Variants in ATG10 observed in about 807,000 individuals in gnomAD.
ATG10 encodes autophagy related 10, also known as ubiquitin-like-conjugating enzyme ATG10.
ATG10 carries 30 observed loss-of-function variants against 32.1 expected under a neutral mutation model. That is an observed-to-expected ratio of 0.94 (90% CI 0.70 to 1.27). ATG10 has a LOEUF of 1.27. Among genes scored for constraint, ATG10 ranks in the 50% most tolerant of loss-of-function variants. The pLI is 0.00. For missense variants in ATG10, 233 were observed against 262.3 expected (o/e 0.89, Z 0.77); for synonymous variants, 87 against 91.5 (o/e 0.95, Z 0.28).
intron 2 of ATG10, among the ~76,000 whole-genome samples, chr5:81,991,646 T>C: frequency 6.6e-6 from 1 of 151,956 alleles, no homozygotes; most frequent in Admixed American, 6.6e-5. Context: ...ATACAAAAAA[T>C]TAGCCGAGTG....
At chr5:82,215,244 A>G (rs1005331943) in intron 5 of ATG10, among the ~76,000 whole-genome samples, 2 of 152,160 alleles carry the variant, frequency 1.3e-5, no homozygotes, top group Admixed American at 1.3e-4. Flanking sequence ...AACGTCTTAC[A>G]ATATGGTAGC....
intron 1 of ATG10, among the ~76,000 whole-genome samples, chr5:81,982,436 C>T (rs552905011): frequency 3.3e-5 from 5 of 152,084 alleles, no homozygotes; most frequent in East Asian, 3.9e-4. Context: ...ACTGCCTGGG[C>T]GATTCCGTCT....
At chr5:82,181,999 G>A (rs1363702648) in intron 5 of ATG10, among the ~76,000 whole-genome samples, 1 of 152,126 alleles carries the variant, frequency 6.6e-6, no homozygotes, top group Admixed American at 6.6e-5. Context: ...AAAGTTAACA[G>A]GTACTTAGGT....
intron 5 of ATG10, among the ~76,000 whole-genome samples, chr5:82,220,148 T>A (rs1745856927): frequency 1.3e-5 from 2 of 152,012 alleles, no homozygotes; most frequent in Admixed American, 1.3e-4. Context: ...TAAGAGGGAG[T>A]GAGCAGTGCG....
intron 2 of ATG10, among the ~76,000 whole-genome samples, chr5:82,041,637 T>C (rs920071300): frequency 1.3e-5 from 2 of 152,194 alleles, no homozygotes; most frequent in Non-Finnish European, 2.9e-5. Context: ...TGAATACTTA[T>C]TACAAATATG....
chr5:82,166,050 G>A (rs2149902613), intron 4 of ATG10, among the ~76,000 whole-genome samples: 1 of 152,322 alleles, frequency 6.6e-6, no homozygotes, highest in African/African-American at 2.4e-5. Context: ...AGCTGGAAGT[G>A]GGTCTTGCCA....
At chr5:82,009,132 T>G (rs1232082288) in intron 2 of ATG10, among the ~76,000 whole-genome samples, 2 of 152,186 alleles carry the variant, frequency 1.3e-5, no homozygotes, top group Non-Finnish European at 2.9e-5. Flanking sequence ...GCCAAATTGT[T>G]TAAAGGGTGT....
At chr5:82,187,733 G>A (rs934973529) in intron 5 of ATG10, among the ~76,000 whole-genome samples, 13 of 151,256 alleles carry the variant, frequency 8.6e-5, no homozygotes, top group Admixed American at 1.3e-4. Context: ...GATTGCAGGC[G>A]CCCGCCACCA....
chr5:82,226,333 TG>T (rs1489109047), intron 5 of ATG10, among the ~76,000 whole-genome samples: 1 of 152,212 alleles, frequency 6.6e-6, no homozygotes, highest in Non-Finnish European at 1.5e-5. Context: ...ATTTCCACAC[TG>T]CATCTTACTA....
chr5:82,140,210 G>A (rs1213219418), intron 3 of ATG10, among the ~76,000 whole-genome samples: 207 of 33,414 alleles, frequency 6.2e-3, no homozygotes, highest in Middle Eastern at 0.026. Context: ...TCAGCCCCCC[G>A]CCCGGCCAGC....
intron 3 of ATG10, among the ~76,000 whole-genome samples, chr5:82,124,171 T>G (rs971249566): frequency 6.7e-6 from 1 of 150,354 alleles, no homozygotes; most frequent in African/African-American, 2.4e-5. Flanking sequence ...GCCCGGCTAA[T>G]TTTTTGTATT....
chr5:82,115,627 T>G (rs1168629843), intron 3 of ATG10, among the ~76,000 whole-genome samples: 1 of 152,148 alleles, frequency 6.6e-6, no homozygotes, highest in Non-Finnish European at 1.5e-5. Context: ...TCAATTTTTT[T>G]GTAACATCAT....
chr5:82,179,834 C>A (rs1744166029), intron 5 of ATG10, among the ~76,000 whole-genome samples: 2 of 152,096 alleles, frequency 1.3e-5, no homozygotes, highest in African/African-American at 2.4e-5. Context: ...ACATAAGAAT[C>A]CTTAGCATCT....
intron 3 of ATG10, among the ~76,000 whole-genome samples, chr5:82,117,784 A>G (rs1765868637): frequency 6.6e-6 from 1 of 152,120 alleles, no homozygotes; most frequent in Non-Finnish European, 1.5e-5. Context: ...ACCAGGGCAC[A>G]GGGGATTGAG....
At chr5:82,022,138 G>A (rs1457270286) in intron 2 of ATG10, among the ~76,000 whole-genome samples, 2 of 150,704 alleles carry the variant, frequency 1.3e-5, no homozygotes, top group Middle Eastern at 3.2e-3. Flanking sequence ...GCAGTGAGCC[G>A]AGATTGCGCC....
chr5:82,138,279 A>C (rs530122434), intron 3 of ATG10, among the ~76,000 whole-genome samples: 9 of 152,136 alleles, frequency 5.9e-5, no homozygotes, highest in Non-Finnish European at 1.3e-4. Flanking sequence ...GGTATGAAAA[A>C]AAAACTCCTG....
intron 3 of ATG10, among the ~76,000 whole-genome samples, chr5:82,104,040 A>T (rs966737230): frequency 6.6e-6 from 1 of 152,024 alleles, no homozygotes; most frequent in Non-Finnish European, 1.5e-5. Context: ...TGCTTGTTGT[A>T]TCTAGTTCCA....
chr5:82,086,898 A>G (rs1176687691), intron 3 of ATG10, among the ~76,000 whole-genome samples: 1 of 152,238 alleles, frequency 6.6e-6, no homozygotes, highest in Non-Finnish European at 1.5e-5. Context: ...CATTAATTTT[A>G]TGAGTAAAAA....
intron 5 of ATG10, among the ~76,000 whole-genome samples, chr5:82,237,303 A>G (rs1048659987): frequency 1.3e-5 from 2 of 152,040 alleles, no homozygotes; most frequent in African/African-American, 4.8e-5. Context: ...CTCCTCCCTG[A>G]GTTCTGCCCG....
Sources: allele counts gnomAD v4.1 joint callset (sites outside exome capture counted in the v4.1 genomes callset), GRCh38; gene constraint gnomAD v4.1.1; transcripts MANE v1.5; gene names NCBI Gene and HGNC (gene_info 2026-07-23, HGNC 2026-07-21).